Variants in AKAP7 observed in about 807,000 individuals in gnomAD.
AKAP7 encodes the protein A kinase (PRKA) anchor protein 7.
Under a neutral mutation model 39.5 loss-of-function variants are expected in AKAP7, and 39 were observed. The ratio of observed to expected loss-of-function variants is 0.99; its 90% confidence interval spans 0.76 to 1.29. AKAP7 has a LOEUF of 1.29. Among genes scored for constraint, AKAP7 ranks in the 50% most tolerant of loss-of-function variants. AKAP7 has a pLI of 0.00. For synonymous variants in AKAP7, 140 were observed against 139.1 expected (o/e 1.01, Z -0.05); for missense variants, 414 against 407.7 (o/e 1.02, Z -0.13).
intron 7 of AKAP7, among the ~76,000 whole-genome samples, chr6:131,237,111 A>G (rs1253171674): frequency 6.6e-6 from 1 of 152,148 alleles, no homozygotes; most frequent in African/African-American, 2.4e-5. Context: ...AGTTTTTAGC[A>G]TGAAGGGTTG....
intron 7 of AKAP7, among the ~76,000 whole-genome samples, chr6:131,270,427 A>G (rs952611172): frequency 2.6e-5 from 4 of 152,144 alleles, no homozygotes; most frequent in African/African-American, 9.7e-5. Flanking sequence ...GTACTAATCC[A>G]TTGCATGGAT....
chr6:131,228,537 G>A (rs1481217280), intron 7 of AKAP7, among the ~76,000 whole-genome samples: 2 of 151,648 alleles, frequency 1.3e-5, no homozygotes, highest in Non-Finnish European at 2.9e-5. Context: ...TTTATTTTTT[G>A]TAGAGACGGG....
intron 7 of AKAP7, among the ~76,000 whole-genome samples, chr6:131,232,864 G>C (rs1170801488): frequency 6.6e-6 from 1 of 151,246 alleles, no homozygotes; most frequent in East Asian, 1.9e-4. Context: ...TATTGCAATG[G>C]TATTATTTCC....
chr6:131,189,279 A>T (rs1357987985), intron 5 of AKAP7, among the ~76,000 whole-genome samples: 1 of 152,234 alleles, frequency 6.6e-6, no homozygotes, highest in East Asian at 1.9e-4. Flanking sequence ...AACAATCATA[A>T]ATTGAACCTT....
upstream of AKAP7, among the ~76,000 whole-genome samples, chr6:131,132,602 C>T (rs1800352153): frequency 6.6e-6 from 1 of 151,228 alleles, no homozygotes; most frequent in African/African-American, 2.4e-5. Flanking sequence ...GACCACAACA[C>T]CCCACCGAGA....
intron 5 of AKAP7, among the ~76,000 whole-genome samples, chr6:131,176,965 T>C (rs1247625333): frequency 2.6e-5 from 4 of 152,316 alleles, no homozygotes; most frequent in South Asian, 4.1e-4. Flanking sequence ...TTCACAGACC[T>C]GCACCATTGA....
chr6:131,189,533 ATC>A (rs1806199459), intron 5 of AKAP7, among the ~76,000 whole-genome samples: 1 of 152,150 alleles, frequency 6.6e-6, no homozygotes, highest in African/African-American at 2.4e-5. Context: ...GTTAAAATTG[ATC>A]TGTTACAGTT....
At chr6:131,259,164 A>G (rs975929310) in intron 7 of AKAP7, among the ~76,000 whole-genome samples, 1 of 152,210 alleles carries the variant, frequency 6.6e-6, no homozygotes, top group African/African-American at 2.4e-5. Flanking sequence ...GCAAAAATAT[A>G]ATTCACACTT....
At chr6:131,247,761 T>A (rs1199248507) in intron 7 of AKAP7, among the ~76,000 whole-genome samples, 2 of 152,110 alleles carry the variant, frequency 1.3e-5, no homozygotes, top group Non-Finnish European at 2.9e-5. Flanking sequence ...CCTGAGTAGC[T>A]AGGACTAAGG....
upstream of AKAP7, among the ~76,000 whole-genome samples, chr6:131,134,040 C>T (rs1800389175): frequency 6.6e-6 from 1 of 152,186 alleles, no homozygotes; most frequent in Non-Finnish European, 1.5e-5. Flanking sequence ...GGCATCATCT[C>T]AGCTCACTGC....
intron 2 of AKAP7, among the ~76,000 whole-genome samples, chr6:131,148,158 A>G (rs528680203): frequency 6.6e-6 from 1 of 152,322 alleles, no homozygotes; most frequent in Admixed American, 6.5e-5. Context: ...AGGATATGAT[A>G]TATTTTTTAC....
Position 131,154,211 on chromosome 6 carries a change from A to AC in AKAP7, c.152-5848_152-5847insC, listed in dbSNP as rs200239690. Among the ~76,000 whole-genome samples, 380 of 150,930 alleles carry AC rather than the reference A, an allele frequency of 2.5e-3. 3 individuals carry two copies. The highest frequency in any genetic ancestry group is 8.4e-3 in the African/African-American group (348 of 41,258). On this transcript the variant is annotated intron_variant, in intron 2 of 7. Coordinates refer to ENST00000431975, the MANE Select transcript of AKAP7 (RefSeq NM_016377.4). ...CAACAAGAGCAAAACTCTGCCTCAGAAAAAAAAAAGTGTTCTTTATCATCT... is the reference window on the plus strand; with the variant it reads ...CAACAAGAGCAAAACTCTGCCTCAGACAAAAAAAAAGTGTTCTTTATCATCT...
At chr6:131,214,227 T>C (rs1360649388) in intron 6 of AKAP7, among the ~76,000 whole-genome samples, 1 of 152,198 alleles carries the variant, frequency 6.6e-6, no homozygotes, top group Non-Finnish European at 1.5e-5. Context: ...AGTAGTAGAT[T>C]TAAAATGTGT....
At position 131,281,220 on chromosome 6, in the gene AKAP7, C is replaced by T. The variant is rs1815166977; in HGVS notation, c.851-310C>T. Reference sequence around the variant, plus strand: ...AGACTCCACGTGGTGGGGACATGGACGTTAGTAGTAGTAATTAGCCTTGGA... The same window carrying T: ...AGACTCCACGTGGTGGGGACATGGATGTTAGTAGTAGTAATTAGCCTTGGA... On this transcript the variant is annotated intron_variant, in intron 7 of 7. Transcript: ENST00000431975. This position sits in a 1 kb window ranked among gnomAD's most constrained non-coding sequence, Gnocchi z 4.0. 6.6e-6 allele frequency among the ~76,000 whole-genome samples: 1 copy of T among 152,092 alleles called. No homozygotes were observed.
chr6:131,143,955 TG>T (rs1340476134), intron 1 of AKAP7, among the ~76,000 whole-genome samples: 1 of 138,232 alleles, frequency 7.2e-6, no homozygotes, highest in African/African-American at 2.7e-5. Context: ...TAGGGAGTGG[TG>T]ATGACTCTTA....
intron 2 of AKAP7, 69 bp from the exon 3 acceptor site, chr6:131,159,990 G>GT (rs34446309): frequency 0.21 from 268,215 of 1,276,678 alleles, 22,066 homozygotes; most frequent in African/African-American, 0.27. Context: ...TATATTGCTT[G>GT]TTTTTTTTTC....
intron 3 of AKAP7, among the ~76,000 whole-genome samples, chr6:131,161,146 G>T (rs929716201): frequency 1.3e-5 from 2 of 152,020 alleles, no homozygotes; most frequent in Non-Finnish European, 2.9e-5. Context: ...TAAAATGAAA[G>T]AAATATCAAA....
chr6:131,170,474 C>G (rs1054359188), intron 5 of AKAP7, among the ~76,000 whole-genome samples: 1 of 152,146 alleles, frequency 6.6e-6, no homozygotes, highest in African/African-American at 2.4e-5. Flanking sequence ...TGGCCTTCCT[C>G]CAATTAAGTT....
At position 131,259,982 on chromosome 6, in the gene AKAP7, C is replaced by T. The variant is rs550980398; in HGVS notation, c.851-21548C>T. Among the ~76,000 whole-genome samples, 6 of 152,196 alleles carry T rather than the reference C, an allele frequency of 3.9e-5. No individual in the cohort carries two copies. In the South Asian group the frequency reaches 1.2e-3, roughly 32 times the overall value. ...TCCACCCAACAGGCCCCAGTGTGTG[C>T]TGTTCCCCTCCCTGTGTACATGTGC... On this transcript the variant is annotated intron_variant, in intron 7 of 7. Coordinates refer to ENST00000431975, the MANE Select transcript of AKAP7 (RefSeq NM_016377.4).
Sources: allele counts gnomAD v4.1 joint callset (sites outside exome capture counted in the v4.1 genomes callset), GRCh38; gene constraint gnomAD v4.1.1; non-coding constraint Gnocchi (gnomAD v3.1); transcripts MANE v1.5; gene names NCBI Gene and HGNC (gene_info 2026-07-23, HGNC 2026-07-21).